Variants in SANBR observed in about 807,000 individuals in gnomAD.
SANBR encodes the protein SANT and BTB domain regulator of class switch recombination.
A neutral mutation model predicts 101.8 loss-of-function variants in SANBR; 77 were observed. The ratio of observed to expected loss-of-function variants is 0.76; its 90% CI spans 0.63 to 0.91. SANBR has a LOEUF of 0.91. Among genes scored for constraint, SANBR ranks in the 40% least tolerant of loss-of-function variants. The pLI is 0.00. For missense variants in SANBR, 875 were observed against 853.0 expected, an observed-to-expected ratio of 1.03 and a Z score of -0.32; for synonymous variants, 279 against 274.7, an observed-to-expected ratio of 1.02 and a Z score of -0.15.
intron 5 of SANBR, chr2:61,074,964 ATTC>A (rs1228588939): frequency 6.7e-6 from 1 of 148,596 alleles, no homozygotes; most frequent in East Asian, 1.9e-4. Flanking sequence ...ATTTTATTTA[ATTC>A]TTTTTTTTTT....
intron 8 of SANBR, 134 bp from the exon 9 acceptor site, chr2:61,088,025 A>G: frequency 3.8e-6 from 2 of 520,272 alleles, no homozygotes; most frequent in Non-Finnish European, 6.8e-6. Flanking sequence ...AACACTAAAA[A>G]TGTATTATAA....
downstream of SANBR, among the ~76,000 whole-genome samples, chr2:61,126,996 C>G (rs549635373): frequency 6.6e-6 from 1 of 152,130 alleles, no homozygotes; most frequent in Admixed American, 6.6e-5. Flanking sequence ...TTCCTGTGTG[C>G]TTAGTATAAA....
chr2:61,127,014 T>G (rs1355969986), downstream of SANBR, among the ~76,000 whole-genome samples: 2 of 152,180 alleles, frequency 1.3e-5, no homozygotes, highest in African/African-American at 4.8e-5. Context: ...AAAATATTCA[T>G]CCAAGTCACT....
In SANBR at chr2:61,122,458, AAAAG is replaced by A. The variant is rs1475374989; in HGVS notation, c.*301_*304del. 9.1e-7 allele frequency: 1 copy of A among 1,102,756 alleles called. No individual in the cohort carries two copies. The highest frequency in any genetic ancestry group is 1.6e-5 in the African/African-American group (1 of 61,056). 68.3% of individuals were successfully genotyped at this position (1,102,756 alleles called of 1,614,324 possible). On this transcript the variant is annotated 3_prime_UTR_variant, in exon 22 of 22. Transcript: ENST00000402291. ...CCAGTGTTTTCCTTTATTTATTTGA[AAAAG>A]AAAGGCCTAAACTGTCAGGTAGCCA... is the stretch of plus-strand genomic sequence containing the variant.
chr2:61,073,209 T>G (rs1681577530), intron 4 of SANBR, among the ~76,000 whole-genome samples: 1 of 152,226 alleles, frequency 6.6e-6, no homozygotes. Context: ...GATCCCTGTT[T>G]GTACACACCA....
chr2:61,125,937 GC>G (rs1684500939), downstream of SANBR, among the ~76,000 whole-genome samples: 2 of 152,124 alleles, frequency 1.3e-5, no homozygotes, highest in Admixed American at 6.5e-5. Context: ...CCCTTGGGTT[GC>G]CTGAAAATTT....
At chr2:61,088,940 C>G (rs1168317613) in intron 10 of SANBR, 1 of 890,366 alleles carries the variant, frequency 1.1e-6, no homozygotes, top group Non-Finnish European at 1.3e-6. Flanking sequence ...ACTTTCTAAA[C>G]AAGGTAGTTG....
chr2:61,107,657 A>G (rs115806086), intron 14 of SANBR, among the ~76,000 whole-genome samples: 2 of 152,130 alleles, frequency 1.3e-5, no homozygotes, highest in African/African-American at 4.8e-5. Context: ...TAATCCCTGC[A>G]CTTTGGGAGG....
rs555672570 is a variant in SANBR, at chr2:61,123,161, C to G, written c.*999C>G. The G allele has an allele frequency of 1.7e-5, 17 of 981,418 alleles. No individual in the cohort carries two copies. The African/African-American group carries it at 3.0e-4, about 17-fold the overall frequency. 60.8% of individuals were successfully genotyped at this position (981,418 alleles called of 1,614,324 possible). A position where few individuals can be genotyped will look rare whatever the true frequency, so the allele number is the denominator to read the frequency against. Reference sequence around the variant, plus strand: ...AAAGAGTGCTCAGGGAAAATTTGTTCCAAACTATAACCATATAATAAATTA... The same window carrying G: ...AAAGAGTGCTCAGGGAAAATTTGTTGCAAACTATAACCATATAATAAATTA... On this transcript the variant is annotated 3_prime_UTR_variant, in exon 22 of 22. Coordinates refer to ENST00000402291, the MANE Select transcript of SANBR (RefSeq NM_001129993.3).
In SANBR at chr2:61,077,076, C is replaced by T. The variant is rs765641096; in HGVS notation, c.588C>T (p.Cys196=). 3.4e-5 allele frequency: 55 copies of T among 1,613,800 alleles called. No individual in the cohort carries two copies. Among genetic ancestry groups the T allele is most frequent in the Non-Finnish European group, 2.7e-5 (32 of 1,179,894 alleles). Residue 196 remains cysteine, a synonymous_variant, in exon 6 of 22, where the codon TGC becomes TGT. Coordinates refer to ENST00000402291, the MANE Select transcript of SANBR (RefSeq NM_001129993.3). ...AAGAGGTGGACATTTCAGTTCATTG[C>T]GACGTTCACATTTTCAACTGGTTGA... The part of the protein sequence containing the change: ...RWEEVDISVH[C]DVHIFNWLIK...
rs563474201 is a variant in SANBR at position 61,122,265 on chromosome 2, T to A, written c.*103T>A. ...AGAACAATGACTTCCAACTGTTTTATGTTATTATTATTTTAATCCACATAA... is the reference window on the plus strand; with the variant it reads ...AGAACAATGACTTCCAACTGTTTTAAGTTATTATTATTTTAATCCACATAA... On this transcript the variant is annotated 3_prime_UTR_variant, in exon 22 of 22. Transcript: ENST00000402291. 381 of 1,402,840 alleles carry A rather than the reference T, an allele frequency of 2.7e-4. No homozygotes were observed. The African/African-American group carries it at 5.0e-3, about 18-fold the overall frequency. 86.9% of individuals were successfully genotyped at this position (1,402,840 alleles called of 1,614,324 possible).
At position 61,101,002 on chromosome 2, in the gene SANBR, C is replaced by T. The variant is rs570835430; in HGVS notation, c.1366-2851C>T. On this transcript the variant is annotated intron_variant, in intron 12 of 21. Transcript: ENST00000402291. Reference sequence around the variant, plus strand: ...AGGGGCAAGGAATTTGGGATATTGGCGTGAATGTTACTGAATGATGGGTCA... The same window carrying T: ...AGGGGCAAGGAATTTGGGATATTGGTGTGAATGTTACTGAATGATGGGTCA... Among the ~76,000 whole-genome samples the T allele has an allele frequency of 3.3e-5, 5 of 152,112 alleles. No homozygotes were observed. In the East Asian group the frequency reaches 5.8e-4, roughly 18 times the overall value.
chr2:61,137,074 A>G (rs1467870318), intron 21 of SANBR, among the ~76,000 whole-genome samples: 1 of 151,948 alleles, frequency 6.6e-6, no homozygotes, highest in African/African-American at 2.4e-5. Flanking sequence ...ATCGCTTGAG[A>G]ATGTGAGACA....
intron 12 of SANBR, among the ~76,000 whole-genome samples, chr2:61,098,080 T>C (rs1308140243): frequency 6.9e-6 from 1 of 144,480 alleles, no homozygotes; most frequent in African/African-American, 2.6e-5. Context: ...TATATATATT[T>C]TTTGGAGGTT....
chr2:61,070,635 A>G, intron 3 of SANBR, 135 bp downstream of exon 3: 3 of 547,412 alleles, frequency 5.5e-6, no homozygotes, highest in Non-Finnish European at 9.0e-6. Context: ...ATAGACATCT[A>G]TATAATTTGA....
Position 61,123,084 on chromosome 2 carries a change from C to A in SANBR, c.*922C>A, listed in dbSNP as rs769665323. On this transcript the variant is annotated 3_prime_UTR_variant, in exon 22 of 22. Transcript: ENST00000402291. ...AAATTTGCATATATTCAAGAAAAAT[C>A]AAAATAAAATTCTATTTTATAAATC... 422 of 969,758 alleles carry A rather than the reference C, an allele frequency of 4.4e-4. No homozygotes were observed. The highest frequency in any genetic ancestry group is 5.0e-4 in the Non-Finnish European group (410 of 815,762). 60.1% of individuals were successfully genotyped at this position (969,758 alleles called of 1,614,324 possible).
intron 3 of SANBR, among the ~76,000 whole-genome samples, chr2:61,070,744 A>T (rs961517574): frequency 1.4e-5 from 2 of 147,194 alleles, no homozygotes; most frequent in African/African-American, 4.9e-5. Flanking sequence ...TTTATATATA[A>T]ATATATATTT....
Position 61,065,872 on chromosome 2 carries a change from G to C in SANBR, c.-302G>C, listed in dbSNP as rs552807175. 5 of 152,090 alleles carry C rather than the reference G, an allele frequency of 3.3e-5. No individual in the cohort carries two copies. The South Asian group carries it at 1.0e-3, about 31-fold the overall frequency. 9.4% of individuals were successfully genotyped at this position (152,090 alleles called of 1,614,324 possible). A position where few individuals can be genotyped will look rare whatever the true frequency, so the allele number is the denominator to read the frequency against. On this transcript the variant is annotated 5_prime_UTR_variant, in exon 1 of 22. Transcript: ENST00000402291. ...GCGGCTCCCCCACCCCTCGGCGCTA[G>C]TCTCCGCAGCCGCCTGCAAGCGGGC... is the stretch of plus-strand genomic sequence containing the variant.
At chr2:61,075,623 G>A (rs1393920725) in intron 5 of SANBR, among the ~76,000 whole-genome samples, 2 of 152,132 alleles carry the variant, frequency 1.3e-5, no homozygotes, top group Non-Finnish European at 2.9e-5. Context: ...TCTCTGATGT[G>A]TCATTTAAAC....
Sources: gnomAD v4.1 joint callset for allele counts (sites outside exome capture counted in the v4.1 genomes callset) on GRCh38, gnomAD v4.1.1 for gene constraint, MANE v1.5 for transcripts, NCBI Gene and HGNC (gene_info 2026-07-23, HGNC 2026-07-21) for gene names.